The following COBLL1 variants were observed in gnomAD, a reference collection of about 807,000 sequenced individuals.
COBLL1 encodes cordon-bleu WH2 repeat protein like 1.
COBLL1 carries 50 observed loss-of-function variants against 94.8 expected under a neutral mutation model. The observed-to-expected ratio is 0.53, with a 90% confidence interval of 0.42 to 0.67. The LOEUF (loss-of-function observed/expected upper bound fraction) is 0.67, where lower values mean the gene tolerates loss of function less well. Among genes scored for constraint, COBLL1 ranks in the 30% least tolerant of loss-of-function variants. The pLI is 0.00. For missense variants in COBLL1, 1,362 were observed against 1,348.7 expected (o/e 1.01, Z -0.15); for synonymous variants, 448 against 473.8 (o/e 0.95, Z 0.71).
In COBLL1 at chr2:164,724,148, G is replaced by A. The variant is rs535228311; in HGVS notation, c.662-1626C>T. The A allele has an allele frequency of 6.4e-4, 98 of 152,208 alleles. 1 individual carries two copies. Among genetic ancestry groups the A allele is most frequent in the African/African-American group, 2.3e-3 (95 of 41,538 alleles). 9.4% of individuals were successfully genotyped at this position (152,208 alleles called of 1,614,324 possible). A position where few individuals can be genotyped will look rare whatever the true frequency, so the allele number is the denominator to read the frequency against. On this transcript the variant is annotated intron_variant, in intron 5 of 13. Coordinates refer to ENST00000652658, the MANE Select transcript of COBLL1 (RefSeq NM_001365672.2). ...TATGTAGCAGTCATATAGCTGACAC[G>A]GAGAACCTTACTTTTTCAGTAATAT...
chr2:164,695,927 G>T, intron 11 of COBLL1, 91 bp from the exon 12 acceptor site: 3 of 1,033,840 alleles, frequency 2.9e-6, no homozygotes, highest in Non-Finnish European at 4.1e-6. Context: ...GAAATAGTTT[G>T]GTTTGAATTC....
Position 164,695,310 on chromosome 2 carries a change from T to C in COBLL1, c.2082A>G (p.Lys694=), listed in dbSNP as rs761524013. Residue 694 remains lysine, a synonymous_variant, in exon 12 of 14, where the codon AAA becomes AAG. Transcript: ENST00000652658. ...DLLPPVDRID[K]NSTASYLKNY... ...TCTTTAGGTAAGAAGCAGTGGAATT[T>C]TTGTCAATCCTATCTACAGGAGGCA... The C allele has an allele frequency of 1.9e-6, 3 of 1,613,932 alleles. No individual in the cohort carries two copies. The highest frequency in any genetic ancestry group is 2.5e-6 in the Non-Finnish European group (3 of 1,179,952).
chr2:164,831,472 C>A (rs929898167), intron 2 of COBLL1, among the ~76,000 whole-genome samples: 8 of 151,034 alleles, frequency 5.3e-5, no homozygotes, highest in South Asian at 2.1e-4. Context: ...TTTAAATATT[C>A]TTTTCAGCTG....
Position 164,700,586 on chromosome 2 carries a change from CA to C in COBLL1, c.1395del (p.Asn465LysfsTer28). ...GAGTTTTGTGAGAACTCTCCACTAC[CA>C]TTGCCAAGGGCTGAGTCAGGATCAT... Reference protein sequence around the residue: ...LKNDPDSALGNGSGEFSQNSM... With the variant: ...LKNDPDSALGXGSGEFSQNSM... On this transcript the variant is annotated frameshift_variant, in exon 10 of 14. Transcript: ENST00000652658. LOFTEE classifies it high-confidence loss of function. The C allele has an allele frequency of 6.2e-7, 1 of 1,613,840 alleles. No individual in the cohort carries two copies. Among genetic ancestry groups the C allele is most frequent in the Non-Finnish European group, 8.5e-7 (1 of 1,179,832 alleles).
chr2:164,692,332 G>A lies in COBLL1; in HGVS notation c.3189C>T (p.Phe1063=). 6.2e-7 allele frequency: 1 copy of A among 1,613,492 alleles called. No individual in the cohort carries two copies. The highest frequency in any genetic ancestry group is 8.5e-7 in the Non-Finnish European group (1 of 1,179,590). ...TTAAAGAACTTTGTCTCATAACAGT[G>A]AATGATGGGCCATCAGTTGGAGTTG... is the stretch of plus-strand genomic sequence containing the variant. ...QIPTPTDGPS[F]TVMRQSSLTF... The change falls in exon 13 of 14, where the codon TTC becomes TTT. Residue 1063 remains phenylalanine (F), a synonymous_variant. Transcript: ENST00000652658.
chr2:164,703,792 A>T (rs1684440017), intron 9 of COBLL1: 3 of 247,948 alleles, frequency 1.2e-5, no homozygotes, highest in East Asian at 1.6e-4. Flanking sequence ...GTATGATATT[A>T]CTAGTCTATC....
intron 5 of COBLL1, among the ~76,000 whole-genome samples, chr2:164,725,818 A>C (rs550357661): frequency 2.6e-5 from 4 of 152,354 alleles, no homozygotes; most frequent in African/African-American, 7.2e-5. Flanking sequence ...CAGGGATCAT[A>C]GCAAGTCAGG....
rs565157378 is a variant in COBLL1 at position 164,681,508 on chromosome 2, T to A, written c.*4438A>T. The A allele has an allele frequency of 6.6e-6, 1 of 152,330 alleles. No individual in the cohort carries two copies. The highest frequency in any genetic ancestry group is 1.5e-5 in the Non-Finnish European group (1 of 68,110). The allele number at this position is 152,330 out of a possible 1,614,324, so 9.4% of individuals were successfully genotyped here. A position where few individuals can be genotyped will look rare whatever the true frequency, so the allele number is the denominator to read the frequency against. The stretch of plus-strand genomic sequence containing the variant: ...GGGAGAGGGGGCTCTGCCTCTTTAA[T>A]GAGAGGAGCTGCAAAGTCACACAGC... On this transcript the variant is annotated 3_prime_UTR_variant, in exon 14 of 14. Transcript: ENST00000652658.
At chr2:164,720,912 G>A (rs1685410856) in intron 7 of COBLL1, among the ~76,000 whole-genome samples, 1 of 152,156 alleles carries the variant, frequency 6.6e-6, no homozygotes, top group South Asian at 2.1e-4. Flanking sequence ...CCTGATTTGT[G>A]AGATTGGATG....
chr2:164,767,256 A>T (rs1166959791), intron 2 of COBLL1, among the ~76,000 whole-genome samples: 1 of 152,238 alleles, frequency 6.6e-6, no homozygotes, highest in Non-Finnish European at 1.5e-5. Flanking sequence ...AAATAAGTTC[A>T]TTTTTTGGAA....
chr2:164,782,672 C>T (rs1254064876), intron 2 of COBLL1, among the ~76,000 whole-genome samples: 1 of 152,054 alleles, frequency 6.6e-6, no homozygotes, highest in Non-Finnish European at 1.5e-5. Flanking sequence ...ATGGTAAATT[C>T]TATCTTGTGT....
At chr2:164,798,743 G>C (rs1160895599) in intron 2 of COBLL1, among the ~76,000 whole-genome samples, 2 of 149,444 alleles carry the variant, frequency 1.3e-5, no homozygotes, top group African/African-American at 2.5e-5. Context: ...AAGCAGGCTG[G>C]GGGCAGTGGC....
intron 2 of COBLL1, among the ~76,000 whole-genome samples, chr2:164,659,156 C>T (rs1691029438): frequency 6.6e-6 from 1 of 152,068 alleles, no homozygotes; most frequent in South Asian, 2.1e-4. Flanking sequence ...TACTCTTTTT[C>T]CTTCTCCTAA....
rs1682987495 is a variant in COBLL1 at position 164,680,505 on chromosome 2, G to T, written c.*5441C>A. ...GGAGAACTACCAAGGAGCACACAGG[G>T]TGAGTTACTCTTTTCCGTAATGACG... On this transcript the variant is annotated 3_prime_UTR_variant, in exon 14 of 14. Transcript: ENST00000652658. 6.6e-6 allele frequency: 1 copy of T among 152,112 alleles called. No homozygotes were observed. Among genetic ancestry groups the T allele is most frequent in the Non-Finnish European group, 1.5e-5 (1 of 68,026 alleles). 9.4% of individuals were successfully genotyped at this position (152,112 alleles called of 1,614,324 possible).
At chr2:164,762,779 C>T (rs1223574264) in intron 2 of COBLL1, among the ~76,000 whole-genome samples, 2 of 149,950 alleles carry the variant, frequency 1.3e-5, no homozygotes, top group African/African-American at 2.5e-5. Flanking sequence ...TCACTGCAAG[C>T]TCCGCCTCCA....
At chr2:164,662,867 T>C (rs776103409) in intron 2 of COBLL1, among the ~76,000 whole-genome samples, 1 of 152,180 alleles carries the variant, frequency 6.6e-6, no homozygotes, top group Non-Finnish European at 1.5e-5. Flanking sequence ...TCCCCAGAAG[T>C]TAAGCAGATG....
rs534525372 is a variant in COBLL1 at position 164,813,603 on chromosome 2, C to T, written c.41+27553G>A. Among the ~76,000 whole-genome samples the T allele has an allele frequency of 1.1e-3, 169 of 152,222 alleles. 1 individual carries two copies. The highest frequency in any genetic ancestry group is 3.9e-3 in the African/African-American group (163 of 41,560). On this transcript the variant is annotated intron_variant, in intron 2 of 13. Transcript: ENST00000652658. ...TAAGCTAATTATTAAATGAAAGCAT[C>T]TCCATGTCTCTTAAAATAAGAAATG...
At chr2:164,805,336 T>TATATTTATATATATATATATA in intron 2 of COBLL1, among the ~76,000 whole-genome samples, 1 of 60,354 alleles carries the variant, frequency 1.7e-5, no homozygotes, top group African/African-American at 6.4e-5. Context: ...TCTCTCTCTC[T>TATATTTATATATATATATATA]CTATATATAT....
intron 2 of COBLL1, among the ~76,000 whole-genome samples, chr2:164,797,522 T>C (rs1683528321): frequency 6.6e-6 from 1 of 152,188 alleles, no homozygotes; most frequent in Non-Finnish European, 1.5e-5. Flanking sequence ...TATCCACCAT[T>C]TTAATGAAAG....
Sources: allele counts gnomAD v4.1 joint callset (sites outside exome capture counted in the v4.1 genomes callset), GRCh38; gene constraint gnomAD v4.1.1; transcripts MANE v1.5; gene names NCBI Gene and HGNC (gene_info 2026-07-23, HGNC 2026-07-21).